INPP4A: variants seen among roughly 807,000 people sequenced by gnomAD.
The protein encoded by INPP4A is inositol polyphosphate-4-phosphatase, type I, 107kD.
A neutral mutation model predicts 119.8 loss-of-function variants in INPP4A; 33 were observed. The observed-to-expected ratio is 0.28, with a 90% CI of 0.21 to 0.37. The LOEUF is 0.37. INPP4A is among the 10% of genes least tolerant of loss of function. The probability of loss-of-function intolerance (pLI) is 1.00; values close to 1 mark genes in which losing one functional copy is unlikely to be tolerated. For missense variants in INPP4A, 956 were observed against 1,289.9 expected, an observed-to-expected ratio of 0.74 and a Z score of 3.97; for synonymous variants, 496 against 500.7, an observed-to-expected ratio of 0.99 and a Z score of 0.12.
rs1351233197 is a variant in INPP4A, at chr2:98,588,687, T to A, written c.*1079T>A. On this transcript the variant is annotated 3_prime_UTR_variant, in exon 25 of 25. Transcript: ENST00000409851. ...CCTCAAATGAGATTTTGAAAGGGAT[T>A]TATGGGCCATAAAACTTAGGAATTT... The A allele has an allele frequency of 9.0e-6, 2 of 222,600 alleles. No homozygotes were observed. Among genetic ancestry groups the A allele is most frequent in the East Asian group, 1.3e-4 (2 of 15,210 alleles). The allele number at this position is 222,600 out of a possible 1,614,324, so 13.8% of individuals were successfully genotyped here. A position where few individuals can be genotyped will look rare whatever the true frequency, so the allele number is the denominator to read the frequency against.
At chr2:98,537,137 C>T (rs1267889761) in intron 7 of INPP4A, among the ~76,000 whole-genome samples, 3 of 152,206 alleles carry the variant, frequency 2.0e-5, no homozygotes, top group African/African-American at 7.2e-5. Context: ...AAGGACTTCA[C>T]AGGCACGAGG....
intron 1 of INPP4A, among the ~76,000 whole-genome samples, chr2:98,486,674 T>A (rs1239674968): frequency 6.6e-6 from 1 of 152,220 alleles, no homozygotes; most frequent in Non-Finnish European, 1.5e-5. Context: ...GGAGTAAAAT[T>A]AATTCTTAGA....
At chr2:98,522,831 G>A (rs1046907244) in intron 4 of INPP4A, among the ~76,000 whole-genome samples, 3 of 151,998 alleles carry the variant, frequency 2.0e-5, no homozygotes, top group Admixed American at 2.0e-4. Context: ...ATGTCTCAGT[G>A]ACATTGGAAA....
At chr2:98,561,477 C>T (rs973544210) in intron 17 of INPP4A, among the ~76,000 whole-genome samples, 1 of 152,208 alleles carries the variant, frequency 6.6e-6, no homozygotes, top group Non-Finnish European at 1.5e-5. Flanking sequence ...CTTCTCTGGG[C>T]AGATAACGAC....
intron 1 of INPP4A, among the ~76,000 whole-genome samples, chr2:98,456,772 G>A (rs181193385): frequency 3.2e-4 from 49 of 152,328 alleles, no homozygotes; most frequent in African/African-American, 1.2e-3. Flanking sequence ...CAAAACACGT[G>A]TTTTGTGACT....
intron 24 of INPP4A, chr2:98,581,589 G>C: frequency 6.5e-7 from 1 of 1,547,496 alleles, no homozygotes; most frequent in Non-Finnish European, 8.7e-7. Context: ...TGGAACACGG[G>C]AGGTAGTCAC....
chr2:98,573,909 G>A (rs1697947160), intron 23 of INPP4A, among the ~76,000 whole-genome samples: 1 of 152,194 alleles, frequency 6.6e-6, no homozygotes, highest in African/African-American at 2.4e-5. Context: ...GCTTTAAAGA[G>A]TGAACATTCC....
chr2:98,483,501 C>T (rs974630460), intron 1 of INPP4A, among the ~76,000 whole-genome samples: 16 of 152,160 alleles, frequency 1.1e-4, no homozygotes, highest in African/African-American at 3.1e-4. Context: ...TGTTCCCCCC[C>T]GGTCTTGTCT....
At chr2:98,446,385 A>G (rs1460511642) in intron 1 of INPP4A, among the ~76,000 whole-genome samples, 1 of 152,198 alleles carries the variant, frequency 6.6e-6, no homozygotes, top group Non-Finnish European at 1.5e-5. Context: ...TCTTTGAAGA[A>G]AGATGAATGA....
chr2:98,583,264 C>A (rs1400334708), intron 24 of INPP4A, among the ~76,000 whole-genome samples: 1 of 152,006 alleles, frequency 6.6e-6, no homozygotes, highest in Non-Finnish European at 1.5e-5. Flanking sequence ...AAAGTTCCAA[C>A]ATCTTTTCTC....
chr2:98,564,817 C>G (rs1203744368), intron 19 of INPP4A, 54 bp downstream of exon 19: 1 of 1,510,192 alleles, frequency 6.6e-7, no homozygotes, highest in African/African-American at 1.4e-5. Context: ...GGTTTCCATC[C>G]TTTCTTGCTA....
chr2:98,571,050 C>T (rs147386757), intron 22 of INPP4A, among the ~76,000 whole-genome samples: 395 of 152,246 alleles, frequency 2.6e-3, no homozygotes, highest in African/African-American at 9.1e-3. Flanking sequence ...CAAGGTCCTG[C>T]GAGGACTTGG....
rs188783454 is a variant in INPP4A, at chr2:98,513,978, G to A, written c.-165-4986G>A. Among the ~76,000 whole-genome samples the A allele has an allele frequency of 2.6e-5, 4 of 152,320 alleles. No individual in the cohort carries two copies. The East Asian group carries it at 7.7e-4, about 29-fold the overall frequency. ...CCCAAGGGTCCCAGGACCCCTGTTA[G>A]GTGTAGACAAGGTCTGAGTAGATCC... is the stretch of plus-strand genomic sequence containing the variant. On this transcript the variant is annotated intron_variant, in intron 1 of 24. Transcript: ENST00000409851.
chr2:98,462,337 A>T (rs1178550943), intron 1 of INPP4A, among the ~76,000 whole-genome samples: 5 of 152,074 alleles, frequency 3.3e-5, no homozygotes, highest in Non-Finnish European at 7.4e-5. Flanking sequence ...AGTCCTAGCT[A>T]CTCAGGAGTC....
chr2:98,498,970 CTG>C (rs1023350463), intron 1 of INPP4A, among the ~76,000 whole-genome samples: 1 of 152,210 alleles, frequency 6.6e-6, no homozygotes, highest in African/African-American at 2.4e-5. Flanking sequence ...GCCCCCTAGT[CTG>C]TGGGATTTTG....
intron 10 of INPP4A, among the ~76,000 whole-genome samples, chr2:98,543,653 T>C (rs1691945051): frequency 6.6e-6 from 1 of 152,194 alleles, no homozygotes; most frequent in South Asian, 2.1e-4. Flanking sequence ...GAAAAGCTAC[T>C]CTGGACACAC....
chr2:98,563,020 C>A (rs1010758260), intron 17 of INPP4A, among the ~76,000 whole-genome samples: 1 of 152,120 alleles, frequency 6.6e-6, no homozygotes, highest in Non-Finnish European at 1.5e-5. Context: ...ACTTTATACC[C>A]AGGTCAAGAG....
intron 24 of INPP4A, among the ~76,000 whole-genome samples, chr2:98,580,274 C>G (rs1370973736): frequency 1.3e-5 from 2 of 152,192 alleles, no homozygotes; most frequent in Admixed American, 1.3e-4. Flanking sequence ...GGGGGCCAAG[C>G]TGGCACCCAG....
rs1263851766 is a variant in INPP4A at position 98,444,864 on chromosome 2, A to AGCGGCGGCGGCTGGCTAGGGCT, written c.-380_-359dup. The AGCGGCGGCGGCTGGCTAGGGCT allele has an allele frequency of 2.0e-5, 3 of 151,718 alleles. No homozygotes were observed. The highest frequency in any genetic ancestry group is 7.3e-5 in the African/African-American group (3 of 41,186). 9.4% of individuals were successfully genotyped at this position (151,718 alleles called of 1,614,324 possible). A position where few individuals can be genotyped will look rare whatever the true frequency, so the allele number is the denominator to read the frequency against. Reference sequence around the variant, plus strand: ...GGGCGGGGCTGCGCCCGGCGTCTAGAGCGGCGGCGGCTGGCTAGGGCTGCG... The same window carrying AGCGGCGGCGGCTGGCTAGGGCT: ...GGGCGGGGCTGCGCCCGGCGTCTAGAGCGGCGGCGGCTGGCTAGGGCTGCGGCGGCGGCTGGCTAGGGCTGCG... On this transcript the variant is annotated 5_prime_UTR_variant, in exon 1 of 25. Transcript: ENST00000409851.
Sources: gnomAD v4.1 joint callset for allele counts (sites outside exome capture counted in the v4.1 genomes callset) on GRCh38, gnomAD v4.1.1 for gene constraint, MANE v1.5 for transcripts, NCBI Gene and HGNC (gene_info 2026-07-23, HGNC 2026-07-21) for gene names.